TMEM132D: variants seen among roughly 807,000 people sequenced by gnomAD.
The protein encoded by TMEM132D is transmembrane protein 132D, also known as mature OL transmembrane protein.
TMEM132D carries 21 observed loss-of-function variants against 62.3 expected under a neutral mutation model. The ratio of observed to expected loss-of-function variants is 0.34; its 90% CI spans 0.24 to 0.49. TMEM132D has a LOEUF of 0.49. Ranked by LOEUF, TMEM132D falls within the 20% of genes least tolerant of loss-of-function variation. The probability of loss-of-function intolerance (pLI) is 0.99; values close to 1 mark genes in which losing one functional copy is unlikely to be tolerated. For missense variants in TMEM132D, 1,346 were observed against 1,402.8 expected (o/e 0.96, Z 0.65); for synonymous variants, 621 against 575.6 (o/e 1.08, Z -1.13).
intron 2 of TMEM132D, among the ~76,000 whole-genome samples, chr12:129,606,733 G>A (rs1185251665): frequency 6.6e-6 from 1 of 152,146 alleles, no homozygotes; most frequent in Middle Eastern, 3.2e-3. Flanking sequence ...GCCCACTTGG[G>A]TAGAAAGTGG....
At chr12:129,286,189 G>T (rs1417717519) in intron 4 of TMEM132D, among the ~76,000 whole-genome samples, 19 of 152,184 alleles carry the variant, frequency 1.2e-4, no homozygotes, top group Non-Finnish European at 2.9e-5. Context: ...ATACCAGCCT[G>T]CCACAATCTA....
At position 129,858,796 on chromosome 12, in the gene TMEM132D, C is replaced by T. The variant is rs193027305; in HGVS notation, c.79+44465G>A. 8.3e-3 allele frequency among the ~76,000 whole-genome samples: 822 copies of T among 98,926 alleles called. 59 individuals carry two copies. The highest frequency in any genetic ancestry group is 0.038 in the African/African-American group (765 of 20,306). 64.9% of individuals were successfully genotyped at this position (98,926 alleles called of 152,430 possible). ...GGATGGGTGCCCTTGTAACGGAGTC[C>T]GGGGAAACGGGATGGGTGCCCTTGT... is the stretch of plus-strand genomic sequence containing the variant. On this transcript the variant is annotated intron_variant, in intron 1 of 8. Transcript: ENST00000422113.
intron 5 of TMEM132D, among the ~76,000 whole-genome samples, chr12:129,176,233 G>A (rs1326430593): frequency 2.0e-5 from 3 of 152,216 alleles, no homozygotes; most frequent in Non-Finnish European, 4.4e-5. Flanking sequence ...TCTGCTCAGT[G>A]TATGAGTGGT....
intron 2 of TMEM132D, among the ~76,000 whole-genome samples, chr12:129,570,407 C>A (rs1295653241): frequency 1.3e-5 from 2 of 151,976 alleles, no homozygotes; most frequent in East Asian, 1.9e-4. Flanking sequence ...GATTCGCGTG[C>A]AGAAAGCTTT....
At chr12:129,498,645 G>T (rs1875035777) in intron 3 of TMEM132D, among the ~76,000 whole-genome samples, 1 of 152,160 alleles carries the variant, frequency 6.6e-6, no homozygotes, top group African/African-American at 2.4e-5. Flanking sequence ...GCAGAGTTTT[G>T]GATAGATGCG....
chr12:129,649,941 T>C (rs919784914), intron 2 of TMEM132D, among the ~76,000 whole-genome samples: 2 of 152,018 alleles, frequency 1.3e-5, no homozygotes, highest in Non-Finnish European at 1.5e-5. Flanking sequence ...TATGTATGTG[T>C]GTGTGTGTGT....
At chr12:129,571,618 G>C (rs1415185242) in intron 2 of TMEM132D, among the ~76,000 whole-genome samples, 1 of 151,818 alleles carries the variant, frequency 6.6e-6, no homozygotes, top group Non-Finnish European at 1.5e-5. Flanking sequence ...TGCACCTGAA[G>C]ACGGAGGGAG....
chr12:129,265,660 C>T (rs939884385), intron 4 of TMEM132D, among the ~76,000 whole-genome samples: 2 of 151,986 alleles, frequency 1.3e-5, no homozygotes, highest in Non-Finnish European at 2.9e-5. Flanking sequence ...GCTGTCCTGG[C>T]CTGCTTGGGG....
intron 2 of TMEM132D, among the ~76,000 whole-genome samples, chr12:129,640,480 A>C (rs1340073502): frequency 6.6e-6 from 1 of 152,112 alleles, no homozygotes. Context: ...TGACCACATT[A>C]TCCAAAGAAT....
intron 3 of TMEM132D, among the ~76,000 whole-genome samples, chr12:129,486,071 G>A (rs11060375): frequency 0.2 from 30,858 of 152,066 alleles, 3,106 homozygotes; most frequent in Middle Eastern, 0.25. Flanking sequence ...AGAACAGAAG[G>A]TGGAAAATGT....
intron 1 of TMEM132D, among the ~76,000 whole-genome samples, chr12:129,786,599 A>G (rs532209743): frequency 1.3e-5 from 2 of 152,200 alleles, no homozygotes; most frequent in South Asian, 2.1e-4. Flanking sequence ...ATAAGAAATA[A>G]AGAGAGAGTG....
chr12:129,265,069 A>G (rs1880649812), intron 4 of TMEM132D, among the ~76,000 whole-genome samples: 1 of 152,178 alleles, frequency 6.6e-6, no homozygotes, highest in Non-Finnish European at 1.5e-5. Context: ...ATGGAAAAAA[A>G]AATCCTCCAA....
chr12:129,835,484 T>G (rs1440957634), intron 1 of TMEM132D, among the ~76,000 whole-genome samples: 1 of 151,966 alleles, frequency 6.6e-6, no homozygotes, highest in East Asian at 1.9e-4. Flanking sequence ...AGAGACAAGG[T>G]TTCACCATGT....
At chr12:129,394,316 A>C (rs1287234003) in intron 3 of TMEM132D, among the ~76,000 whole-genome samples, 2 of 152,156 alleles carry the variant, frequency 1.3e-5, no homozygotes, top group African/African-American at 4.8e-5. Context: ...GGGAATACAA[A>C]CCCTGAACAT....
chr12:129,311,830 G>T (rs952994290), intron 4 of TMEM132D, among the ~76,000 whole-genome samples: 3 of 152,272 alleles, frequency 2.0e-5, no homozygotes, highest in African/African-American at 7.2e-5. Context: ...CTTGTTCCAG[G>T]AATACCGAAG....
At chr12:129,580,218 A>G (rs1390518077) in intron 2 of TMEM132D, among the ~76,000 whole-genome samples, 1 of 152,202 alleles carries the variant, frequency 6.6e-6, no homozygotes, top group Non-Finnish European at 1.5e-5. Flanking sequence ...CCTTTTCTTC[A>G]AGGTGAAAAA....
At chr12:129,454,656 T>C (rs992216880) in intron 3 of TMEM132D, among the ~76,000 whole-genome samples, 1 of 152,218 alleles carries the variant, frequency 6.6e-6, no homozygotes, top group Non-Finnish European at 1.5e-5. Context: ...TTCAAAACAG[T>C]AAGAGGTTTC....
rs181231339 is a variant in TMEM132D, at chr12:129,381,762, T to C, written c.1116-43945A>G. 5.3e-5 allele frequency among the ~76,000 whole-genome samples: 8 copies of C among 152,270 alleles called. No individual in the cohort carries two copies. In the East Asian group the frequency reaches 1.5e-3, roughly 29 times the overall value. On this transcript the variant is annotated intron_variant, in intron 3 of 8. Transcript: ENST00000422113. ...CAGGAAGGCACATGTGGTACAGGTA[T>C]GGAGCTTGACAAATTTGCACCAAAT...
intron 5 of TMEM132D, among the ~76,000 whole-genome samples, chr12:129,151,392 T>C (rs527278505): frequency 1.3e-5 from 2 of 152,292 alleles, no homozygotes; most frequent in Non-Finnish European, 2.9e-5. Context: ...CCAGTGAGCA[T>C]GATCAACTGA....
Sources: gnomAD v4.1 joint callset for allele counts (sites outside exome capture counted in the v4.1 genomes callset) on GRCh38, gnomAD v4.1.1 for gene constraint, MANE v1.5 for transcripts, NCBI Gene and HGNC (gene_info 2026-07-23, HGNC 2026-07-21) for gene names.